Variants in MYRF observed in about 807,000 individuals in gnomAD.
MYRF encodes myelin gene regulatory factor.
MYRF carries 16 observed loss-of-function variants against 126.3 expected under a neutral mutation model. The observed-to-expected ratio is 0.13, with a 90% confidence interval of 0.09 to 0.19. The LOEUF (loss-of-function observed/expected upper bound fraction) is 0.19. Among genes scored for constraint, MYRF ranks in the 10% least tolerant of loss-of-function variants. The probability of loss-of-function intolerance (pLI) is 1.00; values close to 1 mark genes in which losing one functional copy is unlikely to be tolerated. For missense variants in MYRF, 1,104 were observed against 1,547.0 expected, an observed-to-expected ratio of 0.71 and a Z score of 4.80; for synonymous variants, 608 against 635.3, an observed-to-expected ratio of 0.96 and a Z score of 0.65.
Position 61,781,712 on chromosome 11 carries a change from G to T in MYRF, c.2904G>T (p.Gly968=). ...GCCCTGCAGTCCCCTTCCCTGGGGG[G>T]CAGGGCAAAGCCAAGAACAGTCCCA... ...LASPAVPFPG[G]QGKAKNSPSL... is the part of the protein sequence containing the mutation. The change falls in exon 22 of 27, where the codon GGG becomes GGT. Residue 968 remains glycine (G), a synonymous_variant. Transcript: ENST00000278836. 6.2e-7 allele frequency: 1 copy of T among 1,613,376 alleles called. No homozygotes were observed. Among genetic ancestry groups the T allele is most frequent in the South Asian group, 1.1e-5 (1 of 91,086 alleles).
intron 1 of MYRF, among the ~76,000 whole-genome samples, chr11:61,759,641 G>T (rs2065852100): frequency 6.6e-6 from 1 of 152,090 alleles, no homozygotes; most frequent in Non-Finnish European, 1.5e-5. Flanking sequence ...CTGCACTCCA[G>T]CCTGGGCAAC....
In MYRF at chr11:61,779,385, C is replaced by T. The variant is rs1012701200; in HGVS notation, c.2136C>T (p.Leu712=). The change falls in exon 15 of 27, where the codon CTC becomes CTT. Residue 712 remains leucine, a synonymous_variant. Transcript: ENST00000278836. ...ACAAGCTGGCCAAGCTGCGGCGGCT[C>T]GACAGCCTCAAGTCCACCGGCAGCT... The part of the protein sequence containing the change: ...WSHKLAKLRR[L]DSLKSTGSSG... The T allele has an allele frequency of 2.5e-5, 39 of 1,551,062 alleles. No individual in the cohort carries two copies. Among genetic ancestry groups the T allele is most frequent in the Non-Finnish European group, 3.2e-5 (37 of 1,146,938 alleles).
chr11:61,786,206 G>T lies in MYRF; in HGVS notation c.*63G>T. 1 of 1,490,162 alleles carries T rather than the reference G, an allele frequency of 6.7e-7. No individual in the cohort carries two copies. Among genetic ancestry groups the T allele is most frequent in the East Asian group, 2.3e-5 (1 of 44,004 alleles). The allele number at this position is 1,490,162 out of a possible 1,614,324, so 92.3% of individuals were successfully genotyped here. On this transcript the variant is annotated 3_prime_UTR_variant, in exon 27 of 27. Transcript: ENST00000278836. This position sits in a 1 kb window ranked among gnomAD's most constrained non-coding sequence, Gnocchi z 4.5. ...GGTGCCCAGGCACCCCCCAACACTG[G>T]ATGCAATGGTGTTACACTGGAGCCC... is the stretch of plus-strand genomic sequence containing the variant.
Position 61,777,204 on chromosome 11 carries a change from C to T in MYRF, c.1591-60C>T. The T allele has an allele frequency of 6.4e-7, 1 of 1,550,520 alleles. No homozygotes were observed. Among genetic ancestry groups the T allele is most frequent in the African/African-American group, 1.4e-5 (1 of 73,926 alleles). ...CTGCTGTGGAGTTTCCCCCTGCTCC[C>T]AGGGCCCTGCAGGTCCCCTCCCTAT... is the stretch of plus-strand genomic sequence containing the variant. On this transcript the variant is annotated intron_variant, in intron 11 of 26. Coordinates refer to ENST00000278836, the MANE Select transcript of MYRF (RefSeq NM_001127392.3). This position sits in a 1 kb window ranked among gnomAD's most constrained non-coding sequence, Gnocchi z 8.8.
At chr11:61,784,186 G>A in intron 24 of MYRF, 94 bp from the exon 25 acceptor site, 1 of 1,210,396 alleles carries the variant, frequency 8.3e-7, no homozygotes, top group Non-Finnish European at 1.2e-6. Context: ...CAGGCTGGGT[G>A]GAGATTCAGA....
intron 24 of MYRF, 160 bp from the exon 25 acceptor site, chr11:61,784,120 T>G: frequency 1.1e-6 from 1 of 948,496 alleles, no homozygotes; most frequent in Admixed American, 2.2e-5. Context: ...GAGGACCACA[T>G]GGGATGGTCG....
chr11:61,757,315 G>A lies in MYRF; in HGVS notation c.46+4525G>A, dbSNP rs1186754927. On this transcript the variant is annotated intron_variant, in intron 1 of 26. Transcript: ENST00000278836. This position sits in a 1 kb window ranked among gnomAD's most constrained non-coding sequence, Gnocchi z 4.7. The stretch of plus-strand genomic sequence containing the variant: ...TTCCTAGCTCTCCTGCTTACCCACA[G>A]TGCTTCTCTTGGCCGTATCAGGGCA... 2 of 456,546 alleles carry A rather than the reference G, an allele frequency of 4.4e-6. No homozygotes were observed. The highest frequency in any genetic ancestry group is 8.8e-6 in the Non-Finnish European group (2 of 226,916). 28.3% of individuals were successfully genotyped at this position (456,546 alleles called of 1,614,324 possible). A position where few individuals can be genotyped will look rare whatever the true frequency, so the allele number is the denominator to read the frequency against.
In MYRF at chr11:61,780,755, C is replaced by G; in HGVS notation, c.2449C>G (p.Pro817Ala). The G allele has an allele frequency of 6.5e-7, 1 of 1,548,354 alleles. No homozygotes were observed. Among genetic ancestry groups the G allele is most frequent in the Non-Finnish European group, 8.7e-7 (1 of 1,147,132 alleles). ...STSCLLALLR[P>A]QPPGGSEALC... ...TTCCTGTCTCCTGGCCCTGCTCCGG[C>G]CCCAGCCCCCTGGGGGGAGTGAGGC... Residue 817 changes from proline (P) to alanine (A), a missense_variant, in exon 19 of 27, where the codon CCC (proline) becomes GCC (alanine). Pro to Ala is a conservative substitution (Grantham distance 27). This residue lies in a region of MYRF where 323 missense variants were observed against 383.1 expected (regional missense o/e 0.84). Transcript: ENST00000278836.
rs200225039 is a variant in MYRF, at chr11:61,769,222, G to A, written c.399-38G>A. Reference sequence around the variant, plus strand: ...TGCCCAGCTGGAAGGCAGAAGCTCAGCTGCTCACCCCCCGGCCCCTTCCCC... The same window carrying A: ...TGCCCAGCTGGAAGGCAGAAGCTCAACTGCTCACCCCCCGGCCCCTTCCCC... On this transcript the variant is annotated intron_variant, in intron 3 of 26. Coordinates refer to ENST00000278836, the MANE Select transcript of MYRF (RefSeq NM_001127392.3). 49 of 1,365,026 alleles carry A rather than the reference G, an allele frequency of 3.6e-5. No homozygotes were observed. The African/African-American group carries it at 6.4e-4, about 18-fold the overall frequency. The allele number at this position is 1,365,026 out of a possible 1,614,324, so 84.6% of individuals were successfully genotyped here. A position where few individuals can be genotyped will look rare whatever the true frequency, so the allele number is the denominator to read the frequency against.
chr11:61,756,379 C>G (rs1266983493), intron 1 of MYRF, among the ~76,000 whole-genome samples: 2 of 152,090 alleles, frequency 1.3e-5, no homozygotes, highest in Non-Finnish European at 2.9e-5. Flanking sequence ...TAGAGACTAC[C>G]TGATGATTTG....
At position 61,779,905 on chromosome 11, in the gene MYRF, G is replaced by A. The variant is rs939603246; in HGVS notation, c.2311G>A (p.Ala771Thr). 1 of 1,614,108 alleles carries A rather than the reference G, an allele frequency of 6.2e-7. No individual in the cohort carries two copies. The highest frequency in any genetic ancestry group is 8.5e-7 in the Non-Finnish European group (1 of 1,179,980). Reference protein sequence around the residue: ...SQRFLQGTIIALVVVMAFSVV... With the variant: ...SQRFLQGTIITLVVVMAFSVV... Reference sequence around the variant, plus strand: ...GCGCTTCCTGCAGGGAACCATCATTGCCCTGGTGGTGGTCATGGCCTTCAG... The same window carrying A: ...GCGCTTCCTGCAGGGAACCATCATTACCCTGGTGGTGGTCATGGCCTTCAG... The change falls in exon 17 of 27, where the codon GCC becomes ACC. Residue 771 changes from alanine (A) to threonine (T), a missense_variant. Coordinates refer to ENST00000278836, the MANE Select transcript of MYRF (RefSeq NM_001127392.3).
In MYRF at chr11:61,753,266, G is replaced by A. The variant is rs935648740; in HGVS notation, c.46+476G>A. Among the ~76,000 whole-genome samples, 5 of 150,680 alleles carry A rather than the reference G, an allele frequency of 3.3e-5. No homozygotes were observed. In the East Asian group the frequency reaches 5.9e-4, roughly 18 times the overall value. Reference sequence around the variant, plus strand: ...CTGCTTCCCAGAATCTGTGACCCCCGCCTAGAGACCAAGACCCCCTGTGTG... The same window carrying A: ...CTGCTTCCCAGAATCTGTGACCCCCACCTAGAGACCAAGACCCCCTGTGTG... On this transcript the variant is annotated intron_variant, in intron 1 of 26. Coordinates refer to ENST00000278836, the MANE Select transcript of MYRF (RefSeq NM_001127392.3).
chr11:61,766,746 G>A (rs986353249), intron 3 of MYRF: 14 of 323,638 alleles, frequency 4.3e-5, no homozygotes, highest in African/African-American at 3.0e-4. Flanking sequence ...CTGACCCAGG[G>A]CTGAACCTTA....
At position 61,778,724 on chromosome 11, in the gene MYRF, C is replaced by T; in HGVS notation, c.2013+235C>T. ...CTGTGTGATCAAGGGCAAGAGAAAC[C>T]CTGTGGAGGGCCATGGCCTTCCACC... is the stretch of plus-strand genomic sequence containing the variant. On this transcript the variant is annotated intron_variant, in intron 14 of 26. Transcript: ENST00000278836. This position sits in a 1 kb window ranked among gnomAD's most constrained non-coding sequence, Gnocchi z 4.6. The T allele has an allele frequency of 1.5e-6, 1 of 649,492 alleles. No homozygotes were observed. The highest frequency in any genetic ancestry group is 2.8e-6 in the Non-Finnish European group (1 of 351,234). 40.2% of individuals were successfully genotyped at this position (649,492 alleles called of 1,614,324 possible). A position where few individuals can be genotyped will look rare whatever the true frequency, so the allele number is the denominator to read the frequency against.
rs1565298432 is a variant in MYRF at position 61,776,740 on chromosome 11, GGGC to G, written c.1500-44_1500-42del. The G allele has an allele frequency of 2.1e-6, 3 of 1,458,794 alleles. No homozygotes were observed. Among genetic ancestry groups the G allele is most frequent in the Non-Finnish European group, 1.9e-6 (2 of 1,070,378 alleles). 90.4% of individuals were successfully genotyped at this position (1,458,794 alleles called of 1,614,324 possible). A position where few individuals can be genotyped will look rare whatever the true frequency, so the allele number is the denominator to read the frequency against. ...CTGGCCAGGGAAAGGGTGGCCCTGG[GGGC>G]GGGGGCAGGCCATGAGTACTTCTGA... On this transcript the variant is annotated intron_variant, in intron 10 of 26. Transcript: ENST00000278836. This position sits in a 1 kb window ranked among gnomAD's most constrained non-coding sequence, Gnocchi z 4.3.
intron 7 of MYRF, 135 bp from the exon 8 acceptor site, chr11:61,773,832 G>T: frequency 1.5e-6 from 1 of 687,374 alleles, no homozygotes; most frequent in East Asian, 2.7e-5. Context: ...TCAGGAGTGG[G>T]GGCAGCCGCA....
At position 61,757,019 on chromosome 11, in the gene MYRF, A is replaced by G. The variant is rs2065776300; in HGVS notation, c.46+4229A>G. ...TTGCCCTCCCTGATAAGGAACTGGG[A>G]GCAGAAATTATTAACTGAATCATTA... On this transcript the variant is annotated intron_variant, in intron 1 of 26. Transcript: ENST00000278836. This position sits in a 1 kb window ranked among gnomAD's most constrained non-coding sequence, Gnocchi z 4.7. The G allele has an allele frequency of 2.6e-6, 1 of 382,022 alleles. No homozygotes were observed. The highest frequency in any genetic ancestry group is 7.3e-5 in the East Asian group (1 of 13,752). 23.7% of individuals were successfully genotyped at this position (382,022 alleles called of 1,614,324 possible).
rs763072035 is a variant in MYRF, at chr11:61,766,009, G to A, written c.186G>A (p.Gly62=). 10 of 1,580,784 alleles carry A rather than the reference G, an allele frequency of 6.3e-6. No individual in the cohort carries two copies. Among genetic ancestry groups the A allele is most frequent in the Non-Finnish European group, 8.6e-6 (10 of 1,165,672 alleles). Residue 62 remains glycine (G), a synonymous_variant, in exon 3 of 27, where the codon GGG becomes GGA. Transcript: ENST00000278836. ...CCAGCTCGGCCTCCTACTCCCACGG[G>A]CAGCCTGCGATGCCTGGCTCCAGCG... is the stretch of plus-strand genomic sequence containing the variant. ...APASSASYSH[G]QPAMPGSSGV...
chr11:61,777,512 GC>G lies in MYRF; in HGVS notation c.1791+50del. 1 of 1,523,738 alleles carries G rather than the reference GC, an allele frequency of 6.6e-7. No homozygotes were observed. Among genetic ancestry groups the G allele is most frequent in the East Asian group, 2.5e-5 (1 of 40,638 alleles). The allele number at this position is 1,523,738 out of a possible 1,614,324, so 94.4% of individuals were successfully genotyped here. The stretch of plus-strand genomic sequence containing the variant: ...CGGGCGGGTCCAGACGCTGGAGCGG[GC>G]CGCGGGGGCGGGGCTCCTGGGGAGG... On this transcript the variant is annotated intron_variant, in intron 12 of 26. Coordinates refer to ENST00000278836, the MANE Select transcript of MYRF (RefSeq NM_001127392.3). The surrounding 1 kb of genome is among the most constrained non-coding windows in gnomAD (Gnocchi z 8.8).
Sources: gnomAD v4.1 joint callset for allele counts (sites outside exome capture counted in the v4.1 genomes callset) on GRCh38, gnomAD v4.1.1 for gene constraint, gnomAD v4.1.1 regional missense constraint, Gnocchi (gnomAD v3.1) non-coding constraint, MANE v1.5 for transcripts, NCBI Gene and HGNC (gene_info 2026-07-23, HGNC 2026-07-21) for gene names.